Variants in PRDM5 observed in about 807,000 individuals in gnomAD.
PRDM5 encodes PR/SET domain 5.
A neutral mutation model predicts 81.2 loss-of-function variants in PRDM5; 56 were observed. The ratio of observed to expected loss-of-function variants is 0.69; its 90% CI spans 0.56 to 0.86. The LOEUF is 0.86. Ranked by LOEUF, PRDM5 falls within the 40% of genes least tolerant of loss-of-function variation. The probability of loss-of-function intolerance (pLI) is 0.00; values close to 1 mark genes in which losing one functional copy is unlikely to be tolerated. For missense variants in PRDM5, 697 were observed against 770.1 expected, an observed-to-expected ratio of 0.91 and a Z score of 1.12; for synonymous variants, 267 against 256.4, an observed-to-expected ratio of 1.04 and a Z score of -0.39.
intron 14 of PRDM5, chr4:120,731,758 A>G (rs1740300573): frequency 6.6e-6 from 1 of 152,142 alleles, no homozygotes; most frequent in Non-Finnish European, 1.5e-5. Flanking sequence ...TGATGGCCAG[A>G]GTGGCAAAAT....
At chr4:120,781,343 G>A (rs781577458) in intron 11 of PRDM5, 40 bp from the exon 12 acceptor site, 1 of 1,584,212 alleles carries the variant, frequency 6.3e-7, no homozygotes, top group Non-Finnish European at 8.7e-7. Flanking sequence ...CAATAGCAGG[G>A]TCCTATTAAT....
chr4:120,764,596 G>A (rs1746108208), intron 13 of PRDM5, among the ~76,000 whole-genome samples: 1 of 151,822 alleles, frequency 6.6e-6, no homozygotes, highest in South Asian at 2.1e-4. Context: ...AAAAAAAACA[G>A]TGGAAGAAAG....
chr4:120,742,916 G>T (rs934530476), intron 14 of PRDM5, among the ~76,000 whole-genome samples: 1 of 152,092 alleles, frequency 6.6e-6, no homozygotes, highest in Non-Finnish European at 1.5e-5. Context: ...TCAGGTTCAG[G>T]AAATACAGAG....
chr4:120,735,438 A>C (rs970562286), intron 14 of PRDM5, among the ~76,000 whole-genome samples: 1 of 152,164 alleles, frequency 6.6e-6, no homozygotes, highest in Non-Finnish European at 1.5e-5. Flanking sequence ...CACTGATTCC[A>C]GCTGTGGTAA....
intron 13 of PRDM5, among the ~76,000 whole-genome samples, chr4:120,774,904 A>G (rs11098586): frequency 0.011 from 1,177 of 111,072 alleles, 20 homozygotes; most frequent in African/African-American, 0.036. Context: ...ATATATATAT[A>G]TATGTATATG....
rs766857802 is a variant in PRDM5 at position 120,907,497 on chromosome 4, T to C, written c.154A>G (p.Met52Val). ...ACCTCCCACATCAACCTGTAATCCA[T>C]ATTTTCATCCAAGTCTTCAGGCATT... is the stretch of plus-strand genomic sequence containing the variant. ...KRMPEDLDEN[M>V]DYRLMWEVRG... The change falls in exon 2 of 16, where the codon ATG becomes GTG. Residue 52 changes from methionine to valine, a missense_variant. Transcript: ENST00000264808. 6.5e-5 allele frequency: 104 copies of C among 1,611,462 alleles called. No homozygotes were observed. The highest frequency in any genetic ancestry group is 8.7e-5 in the Non-Finnish European group (102 of 1,177,720).
intron 13 of PRDM5, among the ~76,000 whole-genome samples, chr4:120,768,572 A>G (rs1746744241): frequency 6.6e-6 from 1 of 152,200 alleles, no homozygotes; most frequent in Non-Finnish European, 1.5e-5. Flanking sequence ...ATAAACAATG[A>G]GAGCCCCCAG....
chr4:120,835,929 G>A (rs573717179), intron 3 of PRDM5, among the ~76,000 whole-genome samples: 24 of 152,210 alleles, frequency 1.6e-4, no homozygotes, highest in African/African-American at 4.1e-4. Context: ...TGGAGTCTGA[G>A]AGTAAAAGGA....
At chr4:120,783,183 C>T (rs369462603) in intron 11 of PRDM5, among the ~76,000 whole-genome samples, 11 of 152,152 alleles carry the variant, frequency 7.2e-5, no homozygotes, top group South Asian at 2.1e-4. Context: ...TTGCATAAGA[C>T]GTAGTATTTT....
At position 120,702,630 on chromosome 4, in the gene PRDM5, G is replaced by C. The variant is rs115730937; in HGVS notation, c.1729-7355C>G. On this transcript the variant is annotated intron_variant, in intron 15 of 15. Transcript: ENST00000264808. Reference sequence around the variant, plus strand: ...TGGTTGATAGATTCAATGATTGATTGATTAAATCTCTATGGACAATATAAG... The same window carrying C: ...TGGTTGATAGATTCAATGATTGATTCATTAAATCTCTATGGACAATATAAG... 5.5e-3 allele frequency among the ~76,000 whole-genome samples: 839 copies of C among 152,254 alleles called. 4 individuals are homozygous for C. Among genetic ancestry groups the C allele is most frequent in the Middle Eastern group, 0.01 (3 of 292 alleles).
chr4:120,739,356 G>GGAGACT (rs1433570639), intron 14 of PRDM5, among the ~76,000 whole-genome samples: 1 of 152,100 alleles, frequency 6.6e-6, no homozygotes, highest in Non-Finnish European at 1.5e-5. Flanking sequence ...GCACCACCTT[G>GGAGACT]GAGACTACCT....
At chr4:120,762,707 A>G (rs1745802374) in intron 13 of PRDM5, 1 of 152,182 alleles carries the variant, frequency 6.6e-6, no homozygotes, top group East Asian at 1.9e-4. Flanking sequence ...CATTCTTGGC[A>G]TCTTTCTGTA....
At chr4:120,786,341 A>G (rs1749760579) in intron 10 of PRDM5, among the ~76,000 whole-genome samples, 1 of 152,182 alleles carries the variant, frequency 6.6e-6, no homozygotes, top group Admixed American at 6.6e-5. Flanking sequence ...CAGATAATCT[A>G]ATGTGCTATT....
chr4:120,702,089 C>T (rs565407352), intron 15 of PRDM5, among the ~76,000 whole-genome samples: 1 of 152,240 alleles, frequency 6.6e-6, no homozygotes, highest in Non-Finnish European at 1.5e-5. Context: ...GCAAGTAATG[C>T]CTTCTAATGT....
At chr4:120,878,041 A>G (rs559880367) in intron 2 of PRDM5, among the ~76,000 whole-genome samples, 2 of 152,330 alleles carry the variant, frequency 1.3e-5, no homozygotes, top group South Asian at 4.1e-4. Context: ...TCTCAAACAG[A>G]TATTATACGT....
chr4:120,873,915 A>G (rs1762096058), intron 2 of PRDM5, among the ~76,000 whole-genome samples: 1 of 152,114 alleles, frequency 6.6e-6, no homozygotes, highest in Admixed American at 6.5e-5. Flanking sequence ...TTAGCTCCTC[A>G]TGCATTTTGG....
At chr4:120,800,857 A>G (rs1336493702) in intron 8 of PRDM5, among the ~76,000 whole-genome samples, 2 of 152,196 alleles carry the variant, frequency 1.3e-5, no homozygotes, top group Admixed American at 6.5e-5. Flanking sequence ...AAAAAATACA[A>G]TAAGGGGGGA....
intron 15 of PRDM5, among the ~76,000 whole-genome samples, chr4:120,696,806 C>T (rs1464500885): frequency 6.6e-6 from 1 of 152,108 alleles, no homozygotes; most frequent in African/African-American, 2.4e-5. Flanking sequence ...GAAAACACCA[C>T]TGTTCTAAAG....
intron 3 of PRDM5, among the ~76,000 whole-genome samples, chr4:120,850,780 G>A (rs1286262185): frequency 6.6e-6 from 1 of 152,076 alleles, no homozygotes; most frequent in African/African-American, 2.4e-5. Flanking sequence ...CATCTTTTGT[G>A]ATTTATATTT....
Sources: allele counts gnomAD v4.1 joint callset (sites outside exome capture counted in the v4.1 genomes callset), GRCh38; gene constraint gnomAD v4.1.1; transcripts MANE v1.5; gene names NCBI Gene and HGNC (gene_info 2026-07-23, HGNC 2026-07-21).